CNOT1: variants seen among roughly 807,000 people sequenced by gnomAD.
CNOT1 encodes CCR4-associated factor 1.
Under a neutral mutation model 273.8 loss-of-function variants are expected in CNOT1, and 15 were observed. That is an observed-to-expected ratio of 0.05 (90% CI 0.04 to 0.08). The LOEUF (loss-of-function observed/expected upper bound fraction) is 0.08. Ranked by LOEUF, CNOT1 falls within the 10% of genes least tolerant of loss-of-function variation. The pLI, the probability that CNOT1 is intolerant of heterozygous loss-of-function variation, is 1.00. For synonymous variants in CNOT1, 1,022 were observed against 1,005.5 expected, an observed-to-expected ratio of 1.02 and a Z score of -0.31; for missense variants, 1,644 against 2,912.2, an observed-to-expected ratio of 0.56 and a Z score of 10.02.
At chr16:58,585,616 A>C in intron 7 of CNOT1, 110 bp from the exon 8 acceptor site, 2 of 1,448,728 alleles carry the variant, frequency 1.4e-6, no homozygotes, top group Non-Finnish European at 1.8e-6. Flanking sequence ...TCATATTCAA[A>C]GCCAAGCTTA....
intron 1 of CNOT1, among the ~76,000 whole-genome samples, chr16:58,600,325 C>T (rs527688940): frequency 3.7e-4 from 56 of 152,042 alleles, no homozygotes; most frequent in African/African-American, 1.1e-3. Context: ...AAGTGGTACT[C>T]GGTCTCAAAA....
chr16:58,564,852 C>T (rs900133931), intron 16 of CNOT1, among the ~76,000 whole-genome samples: 3 of 152,040 alleles, frequency 2.0e-5, no homozygotes, highest in Non-Finnish European at 4.4e-5. Context: ...AGGAGAATCG[C>T]TTGAACCTGG....
Position 58,541,549 on chromosome 16 carries a change from A to T in CNOT1, c.4752T>A (p.Pro1584=), listed in dbSNP as rs371694469. 6.2e-7 allele frequency: 1 copy of T among 1,614,102 alleles called. No homozygotes were observed. Among genetic ancestry groups the T allele is most frequent in the Non-Finnish European group, 8.5e-7 (1 of 1,179,936 alleles). Residue 1584 remains proline, a synonymous_variant, in exon 34 of 49, where the codon CCT becomes CCA. Coordinates refer to ENST00000317147, the MANE Select transcript of CNOT1 (RefSeq NM_016284.5). ...EFARNVPGFL[P]TNDLSQPTGF... The stretch of plus-strand genomic sequence containing the variant: ...CCGTGGGCTGACTTAAGTCATTTGT[A>T]GGTAAGAAGCCAGGAACATTGCGTG...
intron 43 of CNOT1, among the ~76,000 whole-genome samples, chr16:58,529,145 AAT>A (rs2039692405): frequency 6.6e-6 from 1 of 152,202 alleles, no homozygotes; most frequent in Admixed American, 6.5e-5. Flanking sequence ...AGTCATAAAA[AAT>A]AGTTTCAGAA....
At chr16:58,568,855 G>C (rs2041160133) in intron 16 of CNOT1, among the ~76,000 whole-genome samples, 1 of 152,098 alleles carries the variant, frequency 6.6e-6, no homozygotes, top group Non-Finnish European at 1.5e-5. Flanking sequence ...CTATTATAAA[G>C]AACAGAATTA....
intron 1 of CNOT1, among the ~76,000 whole-genome samples, chr16:58,625,091 A>C (rs576182670): frequency 2.3e-4 from 35 of 152,180 alleles, no homozygotes; most frequent in African/African-American, 8.4e-4. Context: ...CTACCAAAAA[A>C]ATACAAAAAT....
intron 28 of CNOT1, 53 bp from the exon 29 acceptor site, chr16:58,546,551 C>T: frequency 6.2e-7 from 1 of 1,601,408 alleles, no homozygotes; most frequent in Non-Finnish European, 8.5e-7. Context: ...TTTAGTTTTA[C>T]TCATAATATA....
intron 1 of CNOT1, among the ~76,000 whole-genome samples, chr16:58,600,808 A>G (rs1190332661): frequency 6.6e-6 from 1 of 152,172 alleles, no homozygotes; most frequent in African/African-American, 2.4e-5. Flanking sequence ...AGAAAAGACA[A>G]ATGTGGCTGT....
rs2151924320 is a variant in CNOT1 at position 58,547,807 on chromosome 16, A to G, written c.3523-125T>C. On this transcript the variant is annotated intron_variant, in intron 25 of 48. Coordinates refer to ENST00000317147, the MANE Select transcript of CNOT1 (RefSeq NM_016284.5). This position sits in a 1 kb window ranked among gnomAD's most constrained non-coding sequence, Gnocchi z 4.0. ...CATCATTTCTAAGAACAGGCCCCAA[A>G]GTAGAATTACTCTGTATATCATTCT... is the stretch of plus-strand genomic sequence containing the variant. The G allele has an allele frequency of 2.3e-6, 2 of 868,004 alleles. No individual in the cohort carries two copies. Among genetic ancestry groups the G allele is most frequent in the Non-Finnish European group, 3.4e-6 (2 of 589,192 alleles). 53.8% of individuals were successfully genotyped at this position (868,004 alleles called of 1,614,324 possible).
chr16:58,609,622 C>G (rs529173425), intron 1 of CNOT1, among the ~76,000 whole-genome samples: 2 of 152,034 alleles, frequency 1.3e-5, no homozygotes, highest in South Asian at 4.2e-4. Flanking sequence ...GCCACCATGC[C>G]TGGCTACTTA....
At chr16:58,617,376 TA>T (rs1011667888) in intron 1 of CNOT1, among the ~76,000 whole-genome samples, 31 of 146,082 alleles carry the variant, frequency 2.1e-4, no homozygotes, top group Non-Finnish European at 2.1e-4. Flanking sequence ...TTTTTTTAAT[TA>T]AAAAAAAAAA....
intron 16 of CNOT1, among the ~76,000 whole-genome samples, chr16:58,566,509 G>A (rs1290573385): frequency 6.6e-6 from 1 of 152,178 alleles, no homozygotes; most frequent in Non-Finnish European, 1.5e-5. Flanking sequence ...ATATTCCACT[G>A]CAGATGGATT....
In CNOT1 at chr16:58,626,259, C is replaced by T. The variant is rs553061102; in HGVS notation, c.-175+3469G>A. Reference sequence around the variant, plus strand: ...CTCTTCTCTACTAAAAATACAAAAACTAGCTGGCTGTGGTGGCAGGCACCT... The same window carrying T: ...CTCTTCTCTACTAAAAATACAAAAATTAGCTGGCTGTGGTGGCAGGCACCT... On this transcript the variant is annotated intron_variant, in intron 1 of 48. Coordinates refer to ENST00000317147, the MANE Select transcript of CNOT1 (RefSeq NM_016284.5). Among the ~76,000 whole-genome samples the T allele has an allele frequency of 7.9e-5, 12 of 151,778 alleles. 1 individual carries two copies. The South Asian group carries it at 2.5e-3, about 32-fold the overall frequency.
chr16:58,536,399 C>T (rs571367876), intron 39 of CNOT1, among the ~76,000 whole-genome samples: 3 of 152,254 alleles, frequency 2.0e-5, no homozygotes, highest in Admixed American at 2.0e-4. Context: ...GGCTCGGTTC[C>T]GACATTTTTC....
chr16:58,580,133 C>T (rs769899256), intron 12 of CNOT1, among the ~76,000 whole-genome samples: 8 of 151,970 alleles, frequency 5.3e-5, no homozygotes, highest in Non-Finnish European at 8.8e-5. Context: ...TCGCTTAAAC[C>T]GGGGAGGCGG....
chr16:58,552,209 T>C (rs1209002824), intron 22 of CNOT1, among the ~76,000 whole-genome samples: 1 of 151,934 alleles, frequency 6.6e-6, no homozygotes, highest in Non-Finnish European at 1.5e-5. Context: ...GTAGTATGAG[T>C]TATTATCACA....
chr16:58,532,342 A>T lies in CNOT1; in HGVS notation c.5949T>A (p.Ser1983Arg). The T allele has an allele frequency of 6.2e-7, 1 of 1,614,146 alleles. No homozygotes were observed. Among genetic ancestry groups the T allele is most frequent in the Non-Finnish European group, 8.5e-7 (1 of 1,180,016 alleles). ...GATGGTAGGGAAGTTGCTGAAATTCACTCTGACGAACATCATGATCCTGAA... is the reference window on the plus strand; with the variant it reads ...GATGGTAGGGAAGTTGCTGAAATTCTCTCTGACGAACATCATGATCCTGAA... Reference protein sequence around the residue: ...VLLQDHDVRQSEFQQLPYHRI... With the variant: ...VLLQDHDVRQREFQQLPYHRI... Residue 1983 changes from serine (S) to arginine (R), a missense_variant, in exon 41 of 49, where the codon AGT becomes AGA. Transcript: ENST00000317147.
chr16:58,560,369 T>TA lies in CNOT1; in HGVS notation c.1980-8dup, dbSNP rs770767936. ...TAGCTCCTGAGAAACACTCCTAAAA[T>TA]AGAGGGGAAAAGGTAAAAAATATCA... On this transcript the variant is annotated splice_polypyrimidine_tract_variant and splice_region_variant and intron_variant, in intron 16 of 48. Coordinates refer to ENST00000317147, the MANE Select transcript of CNOT1 (RefSeq NM_016284.5). 8.1e-6 allele frequency: 13 copies of TA among 1,613,052 alleles called. No individual in the cohort carries two copies. In the African/African-American group the frequency reaches 1.1e-4, roughly 13 times the overall value.
At position 58,532,041 on chromosome 16, in the gene CNOT1, G is replaced by A. The variant is rs1234052076; in HGVS notation, c.6094C>T (p.Pro2032Ser). The A allele has an allele frequency of 6.2e-7, 1 of 1,614,150 alleles. No individual in the cohort carries two copies. Among genetic ancestry groups the A allele is most frequent in the South Asian group, 1.1e-5 (1 of 91,078 alleles). Reference sequence around the variant, plus strand: ...TCAAGCCAGGCATATACAAAGCCAGGAGCTTTGGTAGGCCTCAAGATGTGG... The same window carrying A: ...TCAAGCCAGGCATATACAAAGCCAGAAGCTTTGGTAGGCCTCAAGATGTGG... ...TFHILRPTKA[P>S]GFVYAWLELI... Residue 2032 changes from proline (P) to serine (S), a missense_variant, in exon 42 of 49, where the codon CCT (proline) becomes TCT (serine). Pro to Ser is a moderately conservative substitution (Grantham distance 74). Transcript: ENST00000317147.
Sources: allele counts gnomAD v4.1 joint callset (sites outside exome capture counted in the v4.1 genomes callset), GRCh38; gene constraint gnomAD v4.1.1; non-coding constraint Gnocchi (gnomAD v3.1); transcripts MANE v1.5; gene names NCBI Gene and HGNC (gene_info 2026-07-23, HGNC 2026-07-21).